The following LIPC variants were observed in gnomAD, a reference collection of about 807,000 sequenced individuals.
LIPC encodes lipase C, hepatic type.
Under a neutral mutation model 50.7 loss-of-function variants are expected in LIPC, and 44 were observed. The ratio of observed to expected loss-of-function variants is 0.87; its 90% CI spans 0.68 to 1.11. LIPC has a LOEUF of 1.11. Ranked by LOEUF, LIPC falls within the 50% of genes most tolerant of loss-of-function variation. The pLI is 0.00. For missense variants in LIPC, 697 were observed against 648.2 expected, an observed-to-expected ratio of 1.08 and a Z score of -0.82; for synonymous variants, 271 against 256.4, an observed-to-expected ratio of 1.06 and a Z score of -0.54.
intron 1 of LIPC, among the ~76,000 whole-genome samples, chr15:58,469,095 G>A (rs1282720747): frequency 1.5e-5 from 2 of 130,484 alleles, no homozygotes; most frequent in African/African-American, 2.9e-5. Context: ...CGGCTTCAGG[G>A]AACATTTTGT....
intron 2 of LIPC, among the ~76,000 whole-genome samples, chr15:58,540,900 A>C (rs73412742): frequency 0.02 from 2,980 of 152,204 alleles, 91 homozygotes; most frequent in African/African-American, 0.068. Context: ...TCCTAGGCTC[A>C]AGCCATCCTC....
rs1555403164 is a variant in LIPC, at chr15:58,515,533, CAT to C, written c.89-22781_89-22780del. ...AAAGAGGTCTTTGCATATACACACACATATATATATATATATATATCTCAAAA... is the reference window on the plus strand; with the variant it reads ...AAAGAGGTCTTTGCATATACACACACATATATATATATATATATCTCAAAA... On this transcript the variant is annotated intron_variant, in intron 1 of 8. Coordinates refer to ENST00000299022, the MANE Select transcript of LIPC (RefSeq NM_000236.3). Among the ~76,000 whole-genome samples the C allele has an allele frequency of 4.7e-4, 66 of 141,726 alleles. 2 individuals are homozygous for C. Among genetic ancestry groups the C allele is most frequent in the Admixed American group, 3.2e-3 (46 of 14,376 alleles). The allele number at this position is 141,726 out of a possible 152,430, so 93.0% of individuals were successfully genotyped here. A position where few individuals can be genotyped will look rare whatever the true frequency, so the allele number is the denominator to read the frequency against.
At chr15:58,516,296 G>A (rs1401682403) in intron 1 of LIPC, among the ~76,000 whole-genome samples, 1 of 119,868 alleles carries the variant, frequency 8.3e-6, no homozygotes, top group Admixed American at 9.1e-5. Flanking sequence ...ATTATTCTGT[G>A]GCTTGGTGTA....
intron 2 of LIPC, among the ~76,000 whole-genome samples, chr15:58,540,638 C>T (rs1225161150): frequency 2.6e-5 from 4 of 152,196 alleles, no homozygotes; most frequent in African/African-American, 9.6e-5. Flanking sequence ...GTCAAGCCTT[C>T]ACCTCCTATT....
At chr15:58,539,131 G>A (rs950231168) in intron 2 of LIPC, among the ~76,000 whole-genome samples, 1 of 152,184 alleles carries the variant, frequency 6.6e-6, no homozygotes, top group Admixed American at 6.5e-5. Context: ...TAGAGGACTA[G>A]CCATCACATC....
At chr15:58,524,920 G>C (rs760631093) in intron 1 of LIPC, among the ~76,000 whole-genome samples, 7 of 151,722 alleles carry the variant, frequency 4.6e-5, no homozygotes, top group East Asian at 2.0e-4. Flanking sequence ...GAAGTTTTTT[G>C]TTTGCTTTAA....
At chr15:58,447,723 G>A (rs1374755630) in intron 1 of LIPC, among the ~76,000 whole-genome samples, 1 of 152,194 alleles carries the variant, frequency 6.6e-6, no homozygotes. Flanking sequence ...GTAGATTTGG[G>A]ATGGGCTCCA....
Position 58,465,418 on chromosome 15 carries a change from GAA to G in LIPC, c.88+33301_88+33302del, listed in dbSNP as rs568762845. 1.9e-3 allele frequency among the ~76,000 whole-genome samples: 288 copies of G among 152,234 alleles called. 1 individual carries two copies. The highest frequency in any genetic ancestry group is 3.6e-3 in the Non-Finnish European group (242 of 68,010). Reference sequence around the variant, plus strand: ...AAGGTTTTTCAAATTCACATTTTTAGAAAAGAGTTCCATTAAATTCCACATGA... The same window carrying G: ...AAGGTTTTTCAAATTCACATTTTTAGAAGAGTTCCATTAAATTCCACATGA... On this transcript the variant is annotated intron_variant, in intron 1 of 8. Coordinates refer to ENST00000299022, the MANE Select transcript of LIPC (RefSeq NM_000236.3).
intron 3 of LIPC, 110 bp from the exon 4 acceptor site, chr15:58,542,424 C>T: frequency 1.3e-6 from 1 of 784,320 alleles, no homozygotes; most frequent in Non-Finnish European, 2.3e-6. Context: ...TAAGGCACCT[C>T]ATTTCTGAGC....
chr15:58,477,297 G>C lies in LIPC; in HGVS notation c.88+45177G>C, dbSNP rs547662377. On this transcript the variant is annotated intron_variant, in intron 1 of 8. Transcript: ENST00000299022. ...TTCTGAGGGAAGCTACGTGAGCCAC[G>C]TTGTAGCTGGAGAGAGAATTGAAAG... Among the ~76,000 whole-genome samples, 10 of 152,324 alleles carry C rather than the reference G, an allele frequency of 6.6e-5. No individual in the cohort carries two copies. In the East Asian group the frequency reaches 1.7e-3, roughly 26 times the overall value.
chr15:58,436,950 T>G (rs1330627049), intron 1 of LIPC: 1 of 442,924 alleles, frequency 2.3e-6, no homozygotes, highest in South Asian at 1.6e-5. Context: ...TAGAACGGTG[T>G]TGATAGCAAC....
chr15:58,438,295 A>C (rs757040239), intron 1 of LIPC, among the ~76,000 whole-genome samples: 15 of 151,896 alleles, frequency 9.9e-5, no homozygotes, highest in Non-Finnish European at 1.9e-4. Flanking sequence ...TCATGAGGGG[A>C]ATGCAACCAC....
At chr15:58,565,421 A>C in intron 8 of LIPC, 1 of 1,441,214 alleles carries the variant, frequency 6.9e-7, no homozygotes, top group Non-Finnish European at 9.1e-7. Context: ...GGGCACACCC[A>C]TGTGGTACGG....
chr15:58,555,512 C>T (rs1422748939), intron 6 of LIPC, among the ~76,000 whole-genome samples: 1 of 152,212 alleles, frequency 6.6e-6, no homozygotes, highest in Non-Finnish European at 1.5e-5. Context: ...GAATTAGACA[C>T]ACCTGGCTTT....
intron 1 of LIPC, among the ~76,000 whole-genome samples, chr15:58,451,657 T>C (rs1049990170): frequency 6.6e-6 from 1 of 152,124 alleles, no homozygotes; most frequent in Non-Finnish European, 1.5e-5. Flanking sequence ...AGGATCAACT[T>C]TACCCAAACA....
chr15:58,557,359 G>A (rs2140944493), intron 6 of LIPC, among the ~76,000 whole-genome samples: 1 of 145,940 alleles, frequency 6.9e-6, no homozygotes, highest in South Asian at 2.2e-4. Flanking sequence ...TTATTATCAT[G>A]CATACTGCCA....
chr15:58,498,137 G>A (rs1404404105), intron 1 of LIPC, among the ~76,000 whole-genome samples: 4 of 152,152 alleles, frequency 2.6e-5, no homozygotes, highest in African/African-American at 4.8e-5. Flanking sequence ...ACAGGAAAGG[G>A]AAGATTGGTG....
intron 1 of LIPC, among the ~76,000 whole-genome samples, chr15:58,500,720 C>A (rs961460087): frequency 2.0e-5 from 3 of 151,088 alleles, no homozygotes; most frequent in African/African-American, 7.3e-5. Context: ...TTAGTCTCTC[C>A]CTCTCTCTTC....
chr15:58,475,898 G>C (rs775171935), intron 1 of LIPC, among the ~76,000 whole-genome samples: 5 of 152,240 alleles, frequency 3.3e-5, no homozygotes, highest in Non-Finnish European at 7.3e-5. Context: ...TGAAGCTCTA[G>C]ATTCTGTCAT....
Sources: allele counts gnomAD v4.1 joint callset (sites outside exome capture counted in the v4.1 genomes callset), GRCh38; gene constraint gnomAD v4.1.1; transcripts MANE v1.5; gene names NCBI Gene and HGNC (gene_info 2026-07-23, HGNC 2026-07-21).